Variants in KCND2 observed in about 807,000 individuals in gnomAD.
The protein encoded by KCND2 is A-type voltage-gated potassium channel KCND2.
Under a neutral mutation model 54.4 loss-of-function variants are expected in KCND2, and 16 were observed. The ratio of observed to expected loss-of-function variants is 0.29; its 90% CI spans 0.20 to 0.45. The LOEUF (loss-of-function observed/expected upper bound fraction) is 0.45, where lower values mean the gene tolerates loss of function less well. Ranked by LOEUF, KCND2 falls within the 20% of genes least tolerant of loss-of-function variation. The pLI is 1.00. For synonymous variants in KCND2, 317 were observed against 310.7 expected, an observed-to-expected ratio of 1.02 and a Z score of -0.21; for missense variants, 486 against 824.2, an observed-to-expected ratio of 0.59 and a Z score of 5.02.
intron 1 of KCND2, among the ~76,000 whole-genome samples, chr7:120,580,528 C>T (rs1480147224): frequency 6.6e-6 from 1 of 152,164 alleles, no homozygotes; most frequent in African/African-American, 2.4e-5. Context: ...ACTGCATACT[C>T]AAGTGATAAT....
At chr7:120,689,395 A>C (rs1792242621) in intron 1 of KCND2, among the ~76,000 whole-genome samples, 1 of 152,208 alleles carries the variant, frequency 6.6e-6, no homozygotes, top group Non-Finnish European at 1.5e-5. Flanking sequence ...ATAGATATTT[A>C]ATTTTATATT....
intron 1 of KCND2, among the ~76,000 whole-genome samples, chr7:120,437,204 C>CTTTTTTTTTTTTTTTTTTTTT (rs66518858): frequency 1.5e-5 from 2 of 130,428 alleles, no homozygotes; most frequent in Non-Finnish European, 3.2e-5. Flanking sequence ...CAATATACAA[C>CTTTTTTTTTTTTTTTTTTTTT]TTTTTTTTTT....
chr7:120,537,432 A>G (rs2116374474), intron 1 of KCND2, among the ~76,000 whole-genome samples: 1 of 152,340 alleles, frequency 6.6e-6, no homozygotes, highest in Middle Eastern at 3.4e-3. Flanking sequence ...AGAATGGTAA[A>G]TGAACATTGG....
At chr7:120,312,194 A>G (rs1799744312) in intron 1 of KCND2, among the ~76,000 whole-genome samples, 1 of 152,084 alleles carries the variant, frequency 6.6e-6, no homozygotes, top group South Asian at 2.1e-4. Flanking sequence ...GGCATGAGCC[A>G]CTGTGCCTGG....
At chr7:120,746,319 AC>A (rs1487847247) in intron 5 of KCND2, among the ~76,000 whole-genome samples, 2 of 152,124 alleles carry the variant, frequency 1.3e-5, no homozygotes, top group Admixed American at 6.6e-5. Flanking sequence ...TTGGGCAAGG[AC>A]TTTTATACTC....
chr7:120,465,708 G>C (rs1802358876), intron 1 of KCND2, among the ~76,000 whole-genome samples: 1 of 152,140 alleles, frequency 6.6e-6, no homozygotes, highest in South Asian at 2.1e-4. Context: ...TTCAGAAGTA[G>C]AGCTGGCTAA....
At chr7:120,500,932 A>T (rs1267525299) in intron 1 of KCND2, among the ~76,000 whole-genome samples, 1 of 151,862 alleles carries the variant, frequency 6.6e-6, no homozygotes, top group Non-Finnish European at 1.5e-5. Flanking sequence ...CTATTGTACT[A>T]CAAATAATGG....
intron 1 of KCND2, among the ~76,000 whole-genome samples, chr7:120,409,996 A>T (rs542922432): frequency 6.6e-6 from 1 of 151,862 alleles, no homozygotes; most frequent in South Asian, 2.1e-4. Flanking sequence ...GTTTTTCATA[A>T]TTTTTTGATC....
At chr7:120,278,813 T>G (rs1346779611) in intron 1 of KCND2, among the ~76,000 whole-genome samples, 3 of 151,756 alleles carry the variant, frequency 2.0e-5, no homozygotes, top group Admixed American at 2.0e-4. Context: ...AATTTCCTAC[T>G]AAAGTAGGAA....
At chr7:120,327,051 G>A (rs1010169714) in intron 1 of KCND2, among the ~76,000 whole-genome samples, 6 of 152,024 alleles carry the variant, frequency 3.9e-5, no homozygotes, top group Non-Finnish European at 5.9e-5. Context: ...ACTTTTTGTT[G>A]ACAATAAGTC....
intron 2 of KCND2, among the ~76,000 whole-genome samples, chr7:120,739,943 A>C (rs958602713): frequency 6.6e-6 from 1 of 152,122 alleles, no homozygotes; most frequent in African/African-American, 2.4e-5. Context: ...AAGATGCTTT[A>C]AAAATTAATT....
At chr7:120,570,416 T>TAA (rs80129346) in intron 1 of KCND2, among the ~76,000 whole-genome samples, 7 of 136,060 alleles carry the variant, frequency 5.1e-5, no homozygotes, top group African/African-American at 1.3e-4. Flanking sequence ...TATAAAAAGT[T>TAA]AAAAAAAAAA....
intron 1 of KCND2, among the ~76,000 whole-genome samples, chr7:120,606,495 C>A (rs1308821413): frequency 6.6e-6 from 1 of 151,898 alleles, no homozygotes; most frequent in Non-Finnish European, 1.5e-5. Context: ...TCTTCTATGA[C>A]TTTTATGATT....
chr7:120,578,958 GAAAT>G (rs936377891), intron 1 of KCND2, among the ~76,000 whole-genome samples: 3 of 138,836 alleles, frequency 2.2e-5, no homozygotes, highest in African/African-American at 9.0e-5. Flanking sequence ...AAAGAAAAAA[GAAAT>G]AAAGAAATAA....
intron 1 of KCND2, among the ~76,000 whole-genome samples, chr7:120,535,808 C>T (rs1413343099): frequency 1.3e-5 from 2 of 152,266 alleles, no homozygotes; most frequent in African/African-American, 4.8e-5. Flanking sequence ...CTATCCATAG[C>T]AGGATGAAGG....
rs537179832 is a variant in KCND2, at chr7:120,401,887, A to G, written c.1115+126140A>G. ...ATATCCTAAAGCACATTGAAATTGC[A>G]TGTCATACTGTTATACATACCCCAC... On this transcript the variant is annotated intron_variant, in intron 1 of 5. Transcript: ENST00000331113. 3.9e-5 allele frequency among the ~76,000 whole-genome samples: 6 copies of G among 152,248 alleles called. No homozygotes were observed. The South Asian group carries it at 1.0e-3, about 26-fold the overall frequency.
intron 1 of KCND2, among the ~76,000 whole-genome samples, chr7:120,490,479 G>A (rs1802764108): frequency 1.3e-5 from 2 of 151,986 alleles, no homozygotes; most frequent in African/African-American, 4.8e-5. Flanking sequence ...TACTGTTTTT[G>A]TTTTTGTTTT....
At chr7:120,674,474 A>G (rs935556829) in intron 1 of KCND2, among the ~76,000 whole-genome samples, 7 of 152,008 alleles carry the variant, frequency 4.6e-5, no homozygotes, top group African/African-American at 1.7e-4. Flanking sequence ...AAATTGGCAG[A>G]AGAATAAATG....
At chr7:120,416,990 C>T (rs1801533666) in intron 1 of KCND2, among the ~76,000 whole-genome samples, 1 of 152,104 alleles carries the variant, frequency 6.6e-6, no homozygotes, top group South Asian at 2.1e-4. Context: ...GGACTACAGG[C>T]ATGCACCACC....
Sources: gnomAD v4.1 joint callset for allele counts (sites outside exome capture counted in the v4.1 genomes callset) on GRCh38, gnomAD v4.1.1 for gene constraint, MANE v1.5 for transcripts, NCBI Gene and HGNC (gene_info 2026-07-23, HGNC 2026-07-21) for gene names.